Variants in SPG11 observed in about 807,000 individuals in gnomAD.
The protein encoded by SPG11 is spatacsin.
Under a neutral mutation model 274.0 loss-of-function variants are expected in SPG11, and 222 were observed. That is an observed-to-expected ratio of 0.81 (90% CI 0.73 to 0.91). The LOEUF is 0.91. Ranked by LOEUF, SPG11 falls within the 40% of genes least tolerant of loss-of-function variation. The pLI is 0.00. For synonymous variants in SPG11, 1,144 were observed against 1,039.7 expected, an observed-to-expected ratio of 1.10 and a Z score of -1.93; for missense variants, 3,114 against 2,872.7, an observed-to-expected ratio of 1.08 and a Z score of -1.92.
chr15:44,648,313 C>T (rs2084661832), intron 7 of SPG11, among the ~76,000 whole-genome samples: 1 of 152,012 alleles, frequency 6.6e-6, no homozygotes, highest in Non-Finnish European at 1.5e-5. Context: ...GAGTTAGAGA[C>T]CAGCCATGGC....
chr15:44,572,257 T>C (rs2082439294), intron 33 of SPG11, among the ~76,000 whole-genome samples: 1 of 152,212 alleles, frequency 6.6e-6, no homozygotes, highest in Admixed American at 6.5e-5. Flanking sequence ...AAAGAGAACT[T>C]ATCACACATT....
chr15:44,564,496 C>T, intron 39 of SPG11, 51 bp downstream of exon 39: 6 of 1,599,332 alleles, frequency 3.8e-6, no homozygotes, highest in Non-Finnish European at 5.1e-6. Context: ...ACTTGTCTCA[C>T]CTCAAAGCAG....
chr15:44,653,048 G>C (rs1274818535), intron 4 of SPG11, among the ~76,000 whole-genome samples: 1 of 152,266 alleles, frequency 6.6e-6, no homozygotes, highest in South Asian at 2.1e-4. Flanking sequence ...GTGGAAAAGG[G>C]GGCTGTTACA....
chr15:44,604,992 T>A (rs2140992087), intron 20 of SPG11, among the ~76,000 whole-genome samples: 1 of 151,744 alleles, frequency 6.6e-6, no homozygotes. Context: ...TTCATTTACT[T>A]TGTGCTTTAT....
At chr15:44,593,762 T>A (rs1448507988) in intron 26 of SPG11, among the ~76,000 whole-genome samples, 4 of 151,402 alleles carry the variant, frequency 2.6e-5, no homozygotes, top group African/African-American at 9.7e-5. Context: ...ATCTTTTTTT[T>A]TTTTTTTTTG....
chr15:44,632,673 A>G (rs913792997), intron 8 of SPG11, among the ~76,000 whole-genome samples: 1 of 151,962 alleles, frequency 6.6e-6, no homozygotes, highest in African/African-American at 2.4e-5. Flanking sequence ...ATGCCCAACT[A>G]ATTTTTAAAA....
At chr15:44,583,298 G>T (rs1490057871) in intron 30 of SPG11, among the ~76,000 whole-genome samples, 1 of 152,136 alleles carries the variant, frequency 6.6e-6, no homozygotes, top group Non-Finnish European at 1.5e-5. Flanking sequence ...TGGCCAACAT[G>T]GTGAAACCCG....
chr15:44,633,448 A>G, intron 8 of SPG11, 57 bp downstream of exon 8: 1 of 1,423,818 alleles, frequency 7.0e-7, no homozygotes, highest in South Asian at 1.2e-5. Context: ...CATACTTTGA[A>G]AGTTATTAAG....
At chr15:44,617,743 T>C (rs2083625962) in intron 15 of SPG11, among the ~76,000 whole-genome samples, 1 of 152,208 alleles carries the variant, frequency 6.6e-6, no homozygotes, top group African/African-American at 2.4e-5. Flanking sequence ...TGGCTTGATC[T>C]TGGCTCACTG....
chr15:44,603,302 A>C (rs2083242192), intron 20 of SPG11, among the ~76,000 whole-genome samples: 1 of 152,164 alleles, frequency 6.6e-6, no homozygotes, highest in Non-Finnish European at 1.5e-5. Context: ...TATGTTGTCC[A>C]AGCTGGTCTT....
chr15:44,578,803 T>C (rs568996344), intron 30 of SPG11, among the ~76,000 whole-genome samples: 3 of 152,340 alleles, frequency 2.0e-5, no homozygotes, highest in African/African-American at 2.4e-5. Context: ...ACATCCTTCA[T>C]AGGATTTAAA....
chr15:44,571,500 T>TC (rs200660302), intron 33 of SPG11, among the ~76,000 whole-genome samples: 72 of 147,432 alleles, frequency 4.9e-4, no homozygotes, highest in African/African-American at 1.4e-3. Context: ...TCTTTTCTTT[T>TC]TTTTTTTTTT....
Position 44,607,818 on chromosome 15 carries a change from T to C in SPG11, c.3453+626A>G, listed in dbSNP as rs193103448. 1.2e-4 allele frequency among the ~76,000 whole-genome samples: 18 copies of C among 152,292 alleles called. No homozygotes were observed. The East Asian group carries it at 3.3e-3, about 28-fold the overall frequency. ...ACATTCTTAGACGTTCTGAAAAAGA[T>C]TAAAAAGCACTGATTTAAACAAACA... is the stretch of plus-strand genomic sequence containing the variant. On this transcript the variant is annotated intron_variant, in intron 19 of 39. Coordinates refer to ENST00000261866, the MANE Select transcript of SPG11 (RefSeq NM_025137.4).
Position 44,629,232 on chromosome 15 carries a change from C to A in SPG11, c.1891+1G>T, listed in dbSNP as rs532072204. 1.9e-6 allele frequency: 3 copies of A among 1,613,890 alleles called. No individual in the cohort carries two copies. Among genetic ancestry groups the A allele is most frequent in the Non-Finnish European group, 2.5e-6 (3 of 1,179,852 alleles). On this transcript the variant is annotated splice_donor_variant, in intron 9 of 39. Coordinates refer to ENST00000261866, the MANE Select transcript of SPG11 (RefSeq NM_025137.4). LOFTEE classifies it high-confidence loss of function. Reference sequence around the variant, plus strand: ...GCCCCCTTCCTAGCTGCTATTCTTACCTTCAGTGTGAATGAAAAGCTCCTT... The same window carrying A: ...GCCCCCTTCCTAGCTGCTATTCTTAACTTCAGTGTGAATGAAAAGCTCCTT...
At position 44,615,649 on chromosome 15, in the gene SPG11, A is replaced by T. The variant is rs2083575710; in HGVS notation, c.2835-83T>A. ...AATCATGCCCACAGTTTAGGTCTCA[A>T]TTACTTAAAAATAAGCATTTACAAA... is the stretch of plus-strand genomic sequence containing the variant. On this transcript the variant is annotated intron_variant, in intron 15 of 39. Transcript: ENST00000261866. The T allele has an allele frequency of 3.4e-6, 4 of 1,193,220 alleles. No homozygotes were observed. In the Admixed American group the frequency reaches 7.2e-5, roughly 21 times the overall value. The allele number at this position is 1,193,220 out of a possible 1,614,324, so 73.9% of individuals were successfully genotyped here.
intron 30 of SPG11, among the ~76,000 whole-genome samples, chr15:44,578,954 G>A (rs1364000504): frequency 6.6e-6 from 1 of 152,006 alleles, no homozygotes; most frequent in Non-Finnish European, 1.5e-5. Flanking sequence ...TCAGGAGTTC[G>A]AGACCAGCCT....
Position 44,567,116 on chromosome 15 carries a change from CCAA to C in SPG11, c.6754+305_6754+307del, listed in dbSNP as rs574254407. Among the ~76,000 whole-genome samples, 64 of 152,118 alleles carry C rather than the reference CCAA, an allele frequency of 4.2e-4. 1 individual carries two copies. In the East Asian group the frequency reaches 0.012, roughly 28 times the overall value. On this transcript the variant is annotated intron_variant, in intron 36 of 39. Transcript: ENST00000261866. ...CCTGTAATCCCAGCACTTTGGGAGG[CCAA>C]CGTGGGCAGTTCACCAGGTCAGGAG... is the stretch of plus-strand genomic sequence containing the variant.
chr15:44,610,121 T>C (rs1034609895), intron 18 of SPG11, among the ~76,000 whole-genome samples: 17 of 152,090 alleles, frequency 1.1e-4, no homozygotes, highest in African/African-American at 3.9e-4. Context: ...CAGGCTGGTT[T>C]TGAACTCCTG....
intron 7 of SPG11, among the ~76,000 whole-genome samples, chr15:44,643,632 T>C (rs2141085297): frequency 6.6e-6 from 1 of 152,108 alleles, no homozygotes; most frequent in South Asian, 2.1e-4. Flanking sequence ...CTTTCTCAGA[T>C]TCAACACCAA....
Sources: gnomAD v4.1 joint callset for allele counts (sites outside exome capture counted in the v4.1 genomes callset) on GRCh38, gnomAD v4.1.1 for gene constraint, MANE v1.5 for transcripts, NCBI Gene and HGNC (gene_info 2026-07-23, HGNC 2026-07-21) for gene names.